USH2A: variants seen among roughly 807,000 people sequenced by gnomAD.
The protein encoded by USH2A is usherin, also known as Usher syndrome 2A (autosomal recessive, mild).
USH2A carries 443 observed loss-of-function variants against 538.9 expected under a neutral mutation model. That is an observed-to-expected ratio of 0.82 (90% CI 0.76 to 0.89). The LOEUF is 0.89. Ranked by LOEUF, USH2A falls within the 40% of genes least tolerant of loss-of-function variation. The pLI is 0.00. For synonymous variants in USH2A, 2,413 were observed against 2,273.5 expected (o/e 1.06, Z -1.75); for missense variants, 6,633 against 6,324.8 (o/e 1.05, Z -1.65).
chr1:215,792,850 G>GC (rs2102772367), intron 50 of USH2A, among the ~76,000 whole-genome samples: 1 of 152,314 alleles, frequency 6.6e-6, no homozygotes, highest in East Asian at 1.9e-4. Flanking sequence ...AATAGGTCAT[G>GC]CATTATTGAT....
chr1:216,230,478 T>C (rs2035655194), intron 14 of USH2A, among the ~76,000 whole-genome samples: 1 of 152,186 alleles, frequency 6.6e-6, no homozygotes, highest in Non-Finnish European at 1.5e-5. Context: ...TATATGCATG[T>C]ATGTCAAGAA....
intron 14 of USH2A, among the ~76,000 whole-genome samples, chr1:216,231,638 T>C (rs530593380): frequency 2.6e-5 from 4 of 151,464 alleles, no homozygotes; most frequent in African/African-American, 9.7e-5. Context: ...AACCTACCCC[T>C]CCCGGTTCAA....
At chr1:215,747,313 T>C (rs1458776253) in intron 58 of USH2A, among the ~76,000 whole-genome samples, 1 of 152,168 alleles carries the variant, frequency 6.6e-6, no homozygotes, top group Non-Finnish European at 1.5e-5. Context: ...GGAAAAGATA[T>C]CATAACAAAA....
At chr1:215,657,669 T>C (rs1383238252) in intron 64 of USH2A, among the ~76,000 whole-genome samples, 1 of 152,162 alleles carries the variant, frequency 6.6e-6, no homozygotes, top group Non-Finnish European at 1.5e-5. Flanking sequence ...GTGATTTTAA[T>C]TGAATTCTGG....
chr1:215,944,496 C>T (rs1179368481), intron 37 of USH2A, among the ~76,000 whole-genome samples: 1 of 152,112 alleles, frequency 6.6e-6, no homozygotes, highest in African/African-American at 2.4e-5. Context: ...CCCTTTGTTA[C>T]ATCACTGCAC....
chr1:215,741,128 A>G (rs1266711951), intron 60 of USH2A, among the ~76,000 whole-genome samples: 1 of 152,188 alleles, frequency 6.6e-6, no homozygotes, highest in Non-Finnish European at 1.5e-5. Flanking sequence ...ACAGATCTCA[A>G]TCAAAAATGT....
chr1:216,225,753 T>C (rs140016906), intron 14 of USH2A, among the ~76,000 whole-genome samples: 1 of 152,244 alleles, frequency 6.6e-6, no homozygotes, highest in Admixed American at 6.5e-5. Flanking sequence ...TTCACCAAGA[T>C]GATGATAGCA....
At chr1:216,388,077 C>T (rs1017735029) in intron 3 of USH2A, among the ~76,000 whole-genome samples, 4 of 152,230 alleles carry the variant, frequency 2.6e-5, no homozygotes, top group Non-Finnish European at 5.9e-5. Flanking sequence ...CTATATTCTG[C>T]CATGAACAAG....
chr1:216,106,647 GT>G (rs1183550962), intron 21 of USH2A, among the ~76,000 whole-genome samples: 1 of 148,890 alleles, frequency 6.7e-6, no homozygotes, highest in Non-Finnish European at 1.5e-5. Context: ...TTTGCTTTCT[GT>G]TTCCATTTCA....
Position 215,648,729 on chromosome 1 carries a change from C to T in USH2A, c.14381G>A (p.Gly4794Asp), listed in dbSNP as rs767808761. The change falls in exon 66 of 72, where the codon GGC becomes GAC. Residue 4794 changes from glycine (G) to aspartate (D), a missense_variant. Gly to Asp is a moderately conservative substitution (Grantham distance 94, BLOSUM62 -1). Transcript: ENST00000307340. ...AGAGTAGTTAGTGAAGGCTTGAAGG[C>T]CATGGAGAGTCTGCTGGGTGGCCAT... ...EGMATQQTLH[G>D]LQAFTNYSIG... 4.5e-5 allele frequency: 73 copies of T among 1,613,998 alleles called. No individual in the cohort carries two copies. The highest frequency in any genetic ancestry group is 6.1e-5 in the Non-Finnish European group (72 of 1,180,042).
At chr1:216,156,449 G>A (rs1340606361) in intron 21 of USH2A, among the ~76,000 whole-genome samples, 3 of 151,664 alleles carry the variant, frequency 2.0e-5, no homozygotes, top group South Asian at 4.2e-4. Context: ...CATTTATTCA[G>A]TAACTTTTCA....
intron 47 of USH2A, among the ~76,000 whole-genome samples, chr1:215,818,538 T>A (rs1263539505): frequency 1.3e-5 from 2 of 151,850 alleles, no homozygotes; most frequent in Non-Finnish European, 2.9e-5. Context: ...TTTTAAAAAA[T>A]TGAGTGATAA....
Position 215,975,275 on chromosome 1 carries a change from T to C in USH2A, c.6806-4499A>G, listed in dbSNP as rs111997233. 2.9e-3 allele frequency among the ~76,000 whole-genome samples: 436 copies of C among 152,322 alleles called. 2 individuals carry two copies. Among genetic ancestry groups the C allele is most frequent in the African/African-American group, 0.01 (418 of 41,582 alleles). ...TGAATATTTTCTCCCACTCTGTAAT[T>C]TGTCTGTTTACTCTGTTGATAGTTT... On this transcript the variant is annotated intron_variant, in intron 35 of 71. Transcript: ENST00000307340.
At chr1:216,406,839 A>C (rs1283355444) in intron 3 of USH2A, among the ~76,000 whole-genome samples, 1 of 152,176 alleles carries the variant, frequency 6.6e-6, no homozygotes, top group Non-Finnish European at 1.5e-5. Context: ...AAATGGTTGC[A>C]TGGAACATTT....
At chr1:216,195,452 C>T (rs188750916) in intron 19 of USH2A, among the ~76,000 whole-genome samples, 80 of 152,232 alleles carry the variant, frequency 5.3e-4, no homozygotes, top group African/African-American at 1.8e-3. Context: ...GTAGCTGTTG[C>T]TCTAAAACCC....
chr1:216,378,822 C>A (rs995941057), intron 3 of USH2A, among the ~76,000 whole-genome samples: 13 of 151,998 alleles, frequency 8.6e-5, no homozygotes, highest in Admixed American at 3.9e-4. Context: ...AGACTCATTT[C>A]TTTTGGCAAC....
At chr1:216,177,370 G>T (rs574795654) in intron 20 of USH2A, among the ~76,000 whole-genome samples, 44 of 152,154 alleles carry the variant, frequency 2.9e-4, no homozygotes, top group African/African-American at 8.9e-4. Flanking sequence ...GGTCAAAAAA[G>T]CTCCTTTTAT....
chr1:215,654,177 T>A (rs1657168963), intron 64 of USH2A, among the ~76,000 whole-genome samples: 1 of 152,222 alleles, frequency 6.6e-6, no homozygotes, highest in African/African-American at 2.4e-5. Context: ...ATATATATTT[T>A]TTTATTATTG....
intron 29 of USH2A, among the ~76,000 whole-genome samples, chr1:216,071,163 G>C (rs1317496371): frequency 6.6e-6 from 1 of 152,176 alleles, no homozygotes; most frequent in Non-Finnish European, 1.5e-5. Flanking sequence ...GCTGCTCATG[G>C]ACTCCTGAGC....
Sources: allele counts gnomAD v4.1 joint callset (sites outside exome capture counted in the v4.1 genomes callset), GRCh38; gene constraint gnomAD v4.1.1; transcripts MANE v1.5; gene names NCBI Gene and HGNC (gene_info 2026-07-23, HGNC 2026-07-21).